Variants in ABCB11 observed in about 807,000 individuals in gnomAD.
ABCB11 encodes the protein ATP binding cassette subfamily B member 11.
A neutral mutation model predicts 148.0 loss-of-function variants in ABCB11; 95 were observed. That is an observed-to-expected ratio of 0.64 (90% CI 0.54 to 0.76). The LOEUF (loss-of-function observed/expected upper bound fraction) is 0.76, where lower values mean the gene tolerates loss of function less well. ABCB11 is among the 30% of genes least tolerant of loss of function. ABCB11 has a pLI of 0.00. For synonymous variants in ABCB11, 591 were observed against 555.4 expected (o/e 1.06, Z -0.90); for missense variants, 1,523 against 1,617.8 (o/e 0.94, Z 1.01).
intron 10 of ABCB11, among the ~76,000 whole-genome samples, chr2:168,983,403 C>A (rs1157329011): frequency 6.6e-6 from 1 of 152,092 alleles, no homozygotes; most frequent in Admixed American, 6.6e-5. Flanking sequence ...ACTTCAGTGG[C>A]TTTTCCAATC....
intron 18 of ABCB11, among the ~76,000 whole-genome samples, chr2:168,959,663 T>C (rs1358579716): frequency 1.3e-5 from 2 of 151,590 alleles, no homozygotes; most frequent in Non-Finnish European, 3.0e-5. Flanking sequence ...ACAAAGAAGA[T>C]GTCTTCATCC....
intron 21 of ABCB11, among the ~76,000 whole-genome samples, chr2:168,943,420 G>A (rs1349475814): frequency 6.6e-6 from 1 of 151,946 alleles, no homozygotes; most frequent in Non-Finnish European, 1.5e-5. Flanking sequence ...CTTATAAGGA[G>A]GAGAAAAACC....
intron 25 of ABCB11, 107 bp from the exon 26 acceptor site, chr2:168,927,469 A>G: frequency 1.1e-6 from 1 of 898,502 alleles, no homozygotes; most frequent in Non-Finnish European, 1.7e-6. Flanking sequence ...TTTGCTTAAC[A>G]GACTAACAAT....
At position 168,922,078 on chromosome 2, in the gene ABCB11, C is replaced by T. The variant is rs1196866222; in HGVS notation, c.*1544G>A. 1.9e-4 allele frequency among the ~76,000 whole-genome samples: 29 copies of T among 151,962 alleles called. No homozygotes were observed. Among genetic ancestry groups the T allele is most frequent in the African/African-American group, 3.9e-4 (16 of 41,508 alleles). On this transcript the variant is annotated 3_prime_UTR_variant, in exon 28 of 28. Coordinates refer to ENST00000650372, the MANE Select transcript of ABCB11 (RefSeq NM_003742.4). ...GTTAGCCAGGATGGTCTCAATCTCT[C>T]GACCTCATGATCCGCCCGCCTTGGC...
Position 169,012,698 on chromosome 2 carries a change from C to A in ABCB11, c.389+574G>T, listed in dbSNP as rs112660369. 1.3e-3 allele frequency among the ~76,000 whole-genome samples: 196 copies of A among 149,566 alleles called. 3 individuals carry two copies. Among genetic ancestry groups the A allele is most frequent in the African/African-American group, 4.5e-3 (181 of 40,496 alleles). ...GAGGCTGCAGTGAGCCAAGATCACA[C>A]CACTGTACTCCAGCCTGGGCAAAAA... On this transcript the variant is annotated intron_variant, in intron 5 of 27. Transcript: ENST00000650372.
intron 18 of ABCB11, 138 bp from the exon 19 acceptor site, chr2:168,958,266 T>G (rs1224854485): frequency 5.4e-6 from 4 of 740,476 alleles, no homozygotes; most frequent in Admixed American, 2.8e-5. Flanking sequence ...GATATGGTTG[T>G]TTGTTATTTT....
intron 1 of ABCB11, among the ~76,000 whole-genome samples, chr2:169,029,479 T>G (rs1695796738): frequency 6.6e-6 from 1 of 152,132 alleles, no homozygotes; most frequent in Non-Finnish European, 1.5e-5. Context: ...CGGTTGATGC[T>G]GTGTGTCAAC....
intron 5 of ABCB11, among the ~76,000 whole-genome samples, chr2:169,004,690 G>T (rs1694970419): frequency 6.6e-6 from 1 of 152,052 alleles, no homozygotes; most frequent in Admixed American, 6.5e-5. Context: ...ATTTCATCTT[G>T]GTTTAGATCC....
At chr2:168,972,428 T>C (rs1693624159) in intron 13 of ABCB11, among the ~76,000 whole-genome samples, 2 of 140,792 alleles carry the variant, frequency 1.4e-5, no homozygotes, top group African/African-American at 5.3e-5. Context: ...AAATAAACAA[T>C]GATCCCTATC....
At chr2:168,917,487 T>C (rs1255593883), downstream of ABCB11, among the ~76,000 whole-genome samples, 2 of 152,194 alleles carry the variant, frequency 1.3e-5, no homozygotes, top group Non-Finnish European at 2.9e-5. Context: ...TGTATTTTGT[T>C]ACACTAAACA....
At chr2:168,962,925 C>T (rs1326533291) in intron 18 of ABCB11, among the ~76,000 whole-genome samples, 1 of 151,640 alleles carries the variant, frequency 6.6e-6, no homozygotes, top group Non-Finnish European at 1.5e-5. Flanking sequence ...TATTTAAAGC[C>T]TGTGTTAGAA....
chr2:168,998,201 A>G (rs962999128), intron 5 of ABCB11, among the ~76,000 whole-genome samples: 2 of 152,036 alleles, frequency 1.3e-5, no homozygotes, highest in Non-Finnish European at 1.5e-5. Context: ...AATTCTCTTC[A>G]TTTTCAGCTT....
rs576573173 is a variant in ABCB11 at position 169,011,438 on chromosome 2, T to C, written c.389+1834A>G. Among the ~76,000 whole-genome samples the C allele has an allele frequency of 1.9e-3, 287 of 152,306 alleles. 1 individual carries two copies. The highest frequency in any genetic ancestry group is 3.6e-3 in the Non-Finnish European group (242 of 68,032). On this transcript the variant is annotated intron_variant, in intron 5 of 27. Transcript: ENST00000650372. Reference sequence around the variant, plus strand: ...GAACTCAATCTCTCTTTTATACAAATTGCTCTGAGTTTGTCAAATGAAAAG... The same window carrying C: ...GAACTCAATCTCTCTTTTATACAAACTGCTCTGAGTTTGTCAAATGAAAAG...
In ABCB11 at chr2:168,927,247, T is replaced by G. The variant is rs767218250; in HGVS notation, c.3527A>C (p.Tyr1176Ser). The G allele has an allele frequency of 1.1e-5, 17 of 1,613,894 alleles. No homozygotes were observed. The highest frequency in any genetic ancestry group is 1.4e-5 in the Non-Finnish European group (17 of 1,179,788). ...GGGAATTTCTTTGGTGTTGTCTCCA[T>G]ACTTGATATTGTCCATTATGCTACA... ...FACSIMDNIK[Y>S]GDNTKEIPME... Residue 1176 changes from tyrosine (Y) to serine (S), a missense_variant, in exon 26 of 28, where the codon TAT becomes TCT. Coordinates refer to ENST00000650372, the MANE Select transcript of ABCB11 (RefSeq NM_003742.4).
chr2:168,966,509 GACA>G (rs998502033), intron 17 of ABCB11, among the ~76,000 whole-genome samples: 1 of 151,790 alleles, frequency 6.6e-6, no homozygotes, highest in African/African-American at 2.4e-5. Context: ...TTCAGAAACT[GACA>G]ACATCTGTCT....
chr2:168,964,061 A>G, intron 18 of ABCB11, 145 bp downstream of exon 18: 1 of 503,732 alleles, frequency 2.0e-6, no homozygotes, highest in Non-Finnish European at 3.6e-6. Context: ...AGTTTTCATT[A>G]GGTCTTAATG....
At chr2:169,004,633 T>A (rs1008402154) in intron 5 of ABCB11, among the ~76,000 whole-genome samples, 1 of 152,222 alleles carries the variant, frequency 6.6e-6, no homozygotes. Context: ...GCCTCCTTGA[T>A]TAGCTTAATA....
intron 1 of ABCB11, among the ~76,000 whole-genome samples, chr2:169,019,667 A>G (rs536167138): frequency 2.0e-5 from 3 of 152,208 alleles, no homozygotes; most frequent in South Asian, 4.1e-4. Context: ...TGTGTTGTTC[A>G]AGAATCAAAC....
chr2:169,007,016 C>G (rs1315798302), intron 5 of ABCB11, among the ~76,000 whole-genome samples: 1 of 152,138 alleles, frequency 6.6e-6, no homozygotes, highest in Non-Finnish European at 1.5e-5. Context: ...GACTTCTTTG[C>G]AGAAGTTAAA....
Sources: gnomAD v4.1 joint callset for allele counts (sites outside exome capture counted in the v4.1 genomes callset) on GRCh38, gnomAD v4.1.1 for gene constraint, MANE v1.5 for transcripts, NCBI Gene and HGNC (gene_info 2026-07-23, HGNC 2026-07-21) for gene names.